ARHGAP8: variants seen among roughly 807,000 people sequenced by gnomAD.
ARHGAP8 encodes rho GTPase-activating protein 8.
A neutral mutation model predicts 46.1 loss-of-function variants in ARHGAP8; 62 were observed. That is an observed-to-expected ratio of 1.34 (90% CI 1.10 to 1.66). The LOEUF is 1.66. Ranked by LOEUF, ARHGAP8 falls within the 40% of genes most tolerant of loss-of-function variation. The pLI is 0.00. For synonymous variants in ARHGAP8, 375 were observed against 243.1 expected (o/e 1.54, Z -5.05); for missense variants, 923 against 568.4 (o/e 1.62, Z -6.34).
intron 8 of ARHGAP8, among the ~76,000 whole-genome samples, chr22:44,845,679 T>C (rs2069936771): frequency 6.6e-6 from 1 of 152,206 alleles, no homozygotes; most frequent in African/African-American, 2.4e-5. Flanking sequence ...CGGGCAGTGC[T>C]GGTCTGTAGG....
At chr22:44,773,721 T>C (rs1320701296) in intron 1 of ARHGAP8, among the ~76,000 whole-genome samples, 1 of 152,148 alleles carries the variant, frequency 6.6e-6, no homozygotes, top group Non-Finnish European at 1.5e-5. Flanking sequence ...TAGCTAGGAC[T>C]AAAGGTGTAC....
At chr22:44,785,053 G>C (rs1374519407) in intron 1 of ARHGAP8, among the ~76,000 whole-genome samples, 3 of 152,176 alleles carry the variant, frequency 2.0e-5, no homozygotes, top group Non-Finnish European at 4.4e-5. Flanking sequence ...AGTGGGCAGG[G>C]AGGTGTGGGA....
intron 4 of ARHGAP8, among the ~76,000 whole-genome samples, chr22:44,811,710 C>T (rs972009338): frequency 6.6e-6 from 1 of 152,092 alleles, no homozygotes; most frequent in African/African-American, 2.4e-5. Context: ...GCGAGTGGTG[C>T]TCCAAATAGA....
intron 10 of ARHGAP8, among the ~76,000 whole-genome samples, chr22:44,857,353 A>G (rs9626255): frequency 0.22 from 33,215 of 151,966 alleles, 4,345 homozygotes; most frequent in Admixed American, 0.26. Flanking sequence ...ATGACTAGAA[A>G]CTGCAGGGAG....
chr22:44,785,864 C>A (rs954314309), intron 1 of ARHGAP8, among the ~76,000 whole-genome samples: 1 of 152,120 alleles, frequency 6.6e-6, no homozygotes, highest in African/African-American at 2.4e-5. Flanking sequence ...TTGGTGCTTT[C>A]GGCAGCACTG....
intron 1 of ARHGAP8, among the ~76,000 whole-genome samples, chr22:44,754,046 G>A (rs1475085270): frequency 7.9e-5 from 12 of 152,204 alleles, no homozygotes; most frequent in Non-Finnish European, 1.5e-5. Context: ...GACATGGGAT[G>A]TGGGCCTGAG....
At position 44,799,754 on chromosome 22, in the gene ARHGAP8, C is replaced by T. The variant is rs966047373; in HGVS notation, c.80-2323C>T. ...AAGCTGTGGGTTCTGGGAAGCGGGG[C>T]GGCCCATCTGTTCTCCGTGTCCCTG... On this transcript the variant is annotated intron_variant, in intron 2 of 11. Coordinates refer to ENST00000356099, the MANE Select transcript of ARHGAP8 (RefSeq NM_181335.3). Among the ~76,000 whole-genome samples, 6 of 148,830 alleles carry T rather than the reference C, an allele frequency of 4.0e-5. No homozygotes were observed. The South Asian group carries it at 6.3e-4, about 16-fold the overall frequency.
intron 1 of ARHGAP8, among the ~76,000 whole-genome samples, chr22:44,759,954 G>A (rs183318944): frequency 2.6e-5 from 4 of 152,342 alleles, no homozygotes; most frequent in African/African-American, 4.8e-5. Flanking sequence ...TAAAGGCTGT[G>A]TGAGGAGCCC....
intron 1 of ARHGAP8, among the ~76,000 whole-genome samples, chr22:44,759,251 T>C (rs1924934363): frequency 2.0e-5 from 3 of 152,118 alleles, no homozygotes; most frequent in African/African-American, 7.2e-5. Context: ...GAGTCAGACA[T>C]GGCCCTGCTG....
Position 44,845,345 on chromosome 22 carries a change from G to C in ARHGAP8, c.670+3G>C. 6.2e-7 allele frequency: 1 copy of C among 1,614,090 alleles called. No individual in the cohort carries two copies. The highest frequency in any genetic ancestry group is 8.5e-7 in the Non-Finnish European group (1 of 1,179,988). On this transcript the variant is annotated splice_donor_region_variant and intron_variant, in intron 8 of 11. Transcript: ENST00000356099. ...AGTGACGTACCTGAGAGAGAAAGGT[G>C]AGACGGGGCCGGCTCCAGCTGGATG... is the stretch of plus-strand genomic sequence containing the variant.
intron 1 of ARHGAP8, among the ~76,000 whole-genome samples, chr22:44,753,419 C>T (rs112272831): frequency 0.024 from 3,716 of 152,144 alleles, 72 homozygotes; most frequent in Non-Finnish European, 0.04. Flanking sequence ...CAGGGTTTCA[C>T]CATGTTGTCC....
intron 11 of ARHGAP8, 28 bp from the exon 12 acceptor site, chr22:44,862,245 TCC>T (rs2070528516): frequency 2.6e-6 from 4 of 1,559,518 alleles, no homozygotes; most frequent in South Asian, 1.2e-5. Context: ...TGGTGTTCAC[TCC>T]CCTTTACTTG....
In ARHGAP8 at chr22:44,814,694, C is replaced by T; in HGVS notation, c.322C>T (p.Leu108Phe). 6 of 1,613,978 alleles carry T rather than the reference C, an allele frequency of 3.7e-6. No individual in the cohort carries two copies. Among genetic ancestry groups the T allele is most frequent in the Non-Finnish European group, 4.2e-6 (5 of 1,179,950 alleles). ...CAGGTACAAGAAGAACTTGAAGGCC[C>T]TCTACGTGGTGCACCCCACCAGCTT... ...DRKYKKNLKA[L>F]YVVHPTSFIK... Residue 108 changes from leucine (L) to phenylalanine (F), a missense_variant, in exon 5 of 12, where the codon CTC becomes TTC. Transcript: ENST00000356099.
At chr22:44,826,041 C>T (rs867097598) in intron 7 of ARHGAP8, among the ~76,000 whole-genome samples, 1 of 152,056 alleles carries the variant, frequency 6.6e-6, no homozygotes, top group Non-Finnish European at 1.5e-5. Context: ...TGCCCCCTGC[C>T]CTCCGGGTAC....
Position 44,789,837 on chromosome 22 carries a change from A to T in ARHGAP8, c.79+3231A>T, listed in dbSNP as rs75132805. 8.8e-3 allele frequency among the ~76,000 whole-genome samples: 1,339 copies of T among 152,158 alleles called. 20 individuals carry two copies. The highest frequency in any genetic ancestry group is 0.031 in the African/African-American group (1,283 of 41,500). ...TATGTCTGGTGATACTGCTTGTCTT[A>T]AAGTCCGATTTTTCTGATACTAATA... On this transcript the variant is annotated intron_variant, in intron 2 of 11. Transcript: ENST00000356099.
At chr22:44,773,952 T>C (rs1926228772) in intron 1 of ARHGAP8, among the ~76,000 whole-genome samples, 1 of 152,192 alleles carries the variant, frequency 6.6e-6, no homozygotes, top group Admixed American at 6.6e-5. Flanking sequence ...TGCATACCAG[T>C]CACATACCAG....
intron 1 of ARHGAP8, among the ~76,000 whole-genome samples, chr22:44,761,865 C>T (rs1478800041): frequency 6.6e-6 from 1 of 152,136 alleles, no homozygotes; most frequent in Non-Finnish European, 1.5e-5. Context: ...TACATGGTGG[C>T]CAGCAAAGAC....
At chr22:44,754,072 TG>T (rs1924468796) in intron 1 of ARHGAP8, among the ~76,000 whole-genome samples, 1 of 152,154 alleles carries the variant, frequency 6.6e-6, no homozygotes. Context: ...CTGATTCTTG[TG>T]GACAGCCAGC....
chr22:44,858,532 G>GTTTTT (rs1569184837), intron 10 of ARHGAP8, among the ~76,000 whole-genome samples: 4 of 12,684 alleles, frequency 3.2e-4, no homozygotes, highest in Non-Finnish European at 6.1e-4. Flanking sequence ...ACCATACCCG[G>GTTTTT]CTTTTTTTTT....
Sources: allele counts gnomAD v4.1 joint callset (sites outside exome capture counted in the v4.1 genomes callset), GRCh38; gene constraint gnomAD v4.1.1; transcripts MANE v1.5; gene names NCBI Gene and HGNC (gene_info 2026-07-23, HGNC 2026-07-21).